CAGE1: variants seen among roughly 807,000 people sequenced by gnomAD.
The protein encoded by CAGE1 is cancer-associated gene 1 protein.
In CAGE1, 66 loss-of-function variants were observed where a neutral mutation model predicts 94.9. That is an observed-to-expected ratio of 0.70 (90% CI 0.57 to 0.85). The LOEUF is 0.85. Ranked by LOEUF, CAGE1 falls within the 40% of genes least tolerant of loss-of-function variation. CAGE1 has a pLI of 0.00. For synonymous variants in CAGE1, 319 were observed against 321.0 expected (o/e 0.99, Z 0.07); for missense variants, 865 against 950.4 (o/e 0.91, Z 1.18).
chr6:7,348,479 C>A (rs755811735), intron 11 of CAGE1, among the ~76,000 whole-genome samples: 2 of 152,152 alleles, frequency 1.3e-5, no homozygotes, highest in Non-Finnish European at 2.9e-5. Flanking sequence ...AACCAGAAAA[C>A]CAACTCTGGT....
At position 7,387,009 on chromosome 6, in the gene CAGE1, T is replaced by C. The variant is rs1238727521; in HGVS notation, c.165A>G (p.Glu55=). 3.9e-6 allele frequency: 6 copies of C among 1,552,034 alleles called. No individual in the cohort carries two copies. Among genetic ancestry groups the C allele is most frequent in the Non-Finnish European group, 5.2e-6 (6 of 1,147,012 alleles). The change falls in exon 2 of 14, where the codon GAA becomes GAG. Residue 55 remains glutamate, a synonymous_variant. Transcript: ENST00000502583. ...GCAAGTCACAAGTGGTGCCGGTGGT[T>C]TCCATACAGATTGGAGAATGTGAAA... is the stretch of plus-strand genomic sequence containing the variant. ...VMLSHSPICM[E]TTGTTCDLPQ... is the part of the protein sequence containing the mutation.
chr6:7,370,109 C>G (rs745511413), intron 5 of CAGE1, 44 bp from the exon 6 acceptor site: 2 of 1,442,034 alleles, frequency 1.4e-6, no homozygotes, highest in South Asian at 2.8e-5. Flanking sequence ...TGATGAAGAA[C>G]CTGAAATATC....
At chr6:7,380,568 C>T (rs368238491) in intron 3 of CAGE1, among the ~76,000 whole-genome samples, 4 of 150,620 alleles carry the variant, frequency 2.7e-5, no homozygotes, top group African/African-American at 9.8e-5. Flanking sequence ...ACCTGGGAGG[C>T]GGAGGTTGCA....
At chr6:7,348,360 C>G (rs1759645367) in intron 11 of CAGE1, among the ~76,000 whole-genome samples, 1 of 152,106 alleles carries the variant, frequency 6.6e-6, no homozygotes, top group Admixed American at 6.6e-5. Flanking sequence ...AAGCCACATC[C>G]CCAGGAAAAG....
At chr6:7,361,296 A>G (rs1214305242) in intron 9 of CAGE1, among the ~76,000 whole-genome samples, 2 of 152,198 alleles carry the variant, frequency 1.3e-5, no homozygotes, top group African/African-American at 4.8e-5. Context: ...AGAGTCTAAC[A>G]CCAAAGCACA....
At chr6:7,330,000 G>A (rs531594572) in intron 12 of CAGE1, 112 bp from the exon 13 acceptor site, 2 of 595,128 alleles carry the variant, frequency 3.4e-6, no homozygotes, top group South Asian at 2.1e-5. Context: ...CTTTCAAGGA[G>A]AAATCGTCAT....
intron 3 of CAGE1, among the ~76,000 whole-genome samples, chr6:7,384,892 T>C (rs1761063918): frequency 6.6e-6 from 1 of 152,138 alleles, no homozygotes; most frequent in South Asian, 2.1e-4. Flanking sequence ...GAGACGGGGT[T>C]TCGTCCTATT....
At chr6:7,356,218 A>G in intron 9 of CAGE1, 89 bp from the exon 10 acceptor site, 1 of 717,258 alleles carries the variant, frequency 1.4e-6, no homozygotes, top group Non-Finnish European at 2.4e-6. Flanking sequence ...AAACTGAGCA[A>G]TACTTTATTC....
chr6:7,345,141 GGAGCTAGGTCCATATTGC>G (rs1759399137), intron 11 of CAGE1, among the ~76,000 whole-genome samples: 5 of 42,112 alleles, frequency 1.2e-4, no homozygotes, highest in African/African-American at 8.6e-4. Context: ...ATTGCTTTTA[GGAGCTAGGTCCATATTGC>G]TTTTAGGAGC....
At chr6:7,349,687 C>G (rs549946996) in intron 11 of CAGE1, among the ~76,000 whole-genome samples, 3 of 152,098 alleles carry the variant, frequency 2.0e-5, no homozygotes, top group Admixed American at 6.5e-5. Flanking sequence ...AATCCCAGCA[C>G]TTTTGGAGGC....
rs764485022 is a variant in CAGE1 at position 7,365,785 on chromosome 6, T to C, written c.2085+19A>G. ...ATATTTTTATGTTAAAGATAGTACG[T>C]AGTAAATATTAAGCTCACCTTAATA... is the stretch of plus-strand genomic sequence containing the variant. On this transcript the variant is annotated intron_variant, in intron 8 of 13. Coordinates refer to ENST00000502583, the MANE Select transcript of CAGE1 (RefSeq NM_001170692.2). The C allele has an allele frequency of 5.6e-6, 8 of 1,416,818 alleles. No individual in the cohort carries two copies. Among genetic ancestry groups the C allele is most frequent in the African/African-American group, 2.9e-5 (2 of 69,426 alleles). The allele number at this position is 1,416,818 out of a possible 1,614,324, so 87.8% of individuals were successfully genotyped here.
intron 12 of CAGE1, among the ~76,000 whole-genome samples, chr6:7,330,280 C>T (rs1758701389): frequency 6.6e-6 from 1 of 152,128 alleles, no homozygotes; most frequent in South Asian, 2.1e-4. Flanking sequence ...CCCAGCTACT[C>T]ACAAGGCTGA....
At chr6:7,351,598 C>A (rs2764072) in intron 11 of CAGE1, among the ~76,000 whole-genome samples, 77,678 of 146,128 alleles carry the variant, frequency 0.53, 23,374 homozygotes, top group African/African-American at 0.83. Flanking sequence ...CTACAGACTG[C>A]TATCCCTGAT....
At chr6:7,387,750 T>G (rs1465621626) in intron 1 of CAGE1, among the ~76,000 whole-genome samples, 1 of 151,136 alleles carries the variant, frequency 6.6e-6, no homozygotes, top group Non-Finnish European at 1.5e-5. Context: ...CCGAGCGCGG[T>G]GGCTCACGCC....
At chr6:7,381,559 GTC>G in intron 3 of CAGE1, among the ~76,000 whole-genome samples, 1 of 147,116 alleles carries the variant, frequency 6.8e-6, no homozygotes, top group South Asian at 2.1e-4. Context: ...TTGAGACAGA[GTC>G]TCTGTCACCC....
chr6:7,343,190 CA>C (rs769864903), intron 11 of CAGE1, among the ~76,000 whole-genome samples: 58 of 113,430 alleles, frequency 5.1e-4, no homozygotes, highest in South Asian at 1.3e-3. Flanking sequence ...CTCTGTCCCA[CA>C]AAAAAAAAAA....
rs919679981 is a variant in CAGE1 at position 7,387,068 on chromosome 6, T to G, written c.106A>C (p.Met36Leu). The G allele has an allele frequency of 2.6e-6, 4 of 1,551,560 alleles. No homozygotes were observed. The highest frequency in any genetic ancestry group is 3.5e-6 in the Non-Finnish European group (4 of 1,146,818). Residue 36 changes from methionine to leucine, a missense_variant, in exon 2 of 14, where the codon ATG becomes CTG. Physicochemically the swap from Met to Leu is conservative, Grantham distance 15. Coordinates refer to ENST00000502583, the MANE Select transcript of CAGE1 (RefSeq NM_001170692.2). ...KVESMSESDT[M>L]NVSNLSQGVM... is the part of the protein sequence containing the mutation. ...CCTTGAGAAAGATTGCTGACATTCA[T>G]GGTATCCGATTCTGACATGCTTTCT... is the stretch of plus-strand genomic sequence containing the variant.
chr6:7,356,348 C>G (rs1337499812), intron 9 of CAGE1, among the ~76,000 whole-genome samples: 3 of 152,182 alleles, frequency 2.0e-5, no homozygotes, highest in African/African-American at 7.2e-5. Flanking sequence ...TACCTTTCCT[C>G]TTTATACTAT....
In CAGE1 at chr6:7,329,223, G is replaced by A. The variant is rs757084927; in HGVS notation, c.2478+626C>T. On this transcript the variant is annotated intron_variant, in intron 13 of 13. Transcript: ENST00000502583. ...GCTGGGATTACAGGCGTCAGCCACC[G>A]CGCCCAGCCTGTATCCTATAAATAT... is the stretch of plus-strand genomic sequence containing the variant. 3.5e-5 allele frequency: 14 copies of A among 402,758 alleles called. No homozygotes were observed. The South Asian group carries it at 9.6e-4, about 28-fold the overall frequency. The allele number at this position is 402,758 out of a possible 1,614,324, so 24.9% of individuals were successfully genotyped here.
Sources: allele counts gnomAD v4.1 joint callset (sites outside exome capture counted in the v4.1 genomes callset), GRCh38; gene constraint gnomAD v4.1.1; transcripts MANE v1.5; gene names NCBI Gene and HGNC (gene_info 2026-07-23, HGNC 2026-07-21).